The following CYP19A1 variants were observed in gnomAD, a reference collection of about 807,000 sequenced individuals.
CYP19A1 encodes the protein cytochrome P450 family 19 subfamily A member 1.
In CYP19A1, 32 loss-of-function variants were observed where a neutral mutation model predicts 44.4. That is an observed-to-expected ratio of 0.72 (90% CI 0.54 to 0.97). The LOEUF (loss-of-function observed/expected upper bound fraction) is 0.97, where lower values mean the gene tolerates loss of function less well. CYP19A1 is among the 50% of genes least tolerant of loss of function. The pLI is 0.00. For synonymous variants in CYP19A1, 212 were observed against 215.6 expected (o/e 0.98, Z 0.14); for missense variants, 598 against 637.8 (o/e 0.94, Z 0.67).
At position 51,236,962 on chromosome 15, in the gene CYP19A1, A is replaced by G; in HGVS notation, c.193T>C (p.Phe65Leu). 1 of 1,614,214 alleles carries G rather than the reference A, an allele frequency of 6.2e-7. No homozygotes were observed. Among genetic ancestry groups the G allele is most frequent in the Non-Finnish European group, 8.5e-7 (1 of 1,180,038 alleles). ...GIGPLISHGR[F>L]LWMGIGSACN... ...GCACTGCCGATCCCCATCCACAGGA[A>G]TCTGCCGTGGGAGATGAGGGGTCCA... Residue 65 changes from phenylalanine (F) to leucine (L), a missense_variant, in exon 3 of 10, where the codon TTC becomes CTC. Physicochemically the swap from Phe to Leu is conservative, Grantham distance 22. Transcript: ENST00000396402.
At chr15:51,282,848 G>A (rs1279700610) in intron 1 of CYP19A1, among the ~76,000 whole-genome samples, 2 of 152,254 alleles carry the variant, frequency 1.3e-5, no homozygotes, top group African/African-American at 4.8e-5. Flanking sequence ...ACAGGACAAA[G>A]TGAAAGCAAA....
chr15:51,294,402 G>A (rs1285325584), intron 1 of CYP19A1, among the ~76,000 whole-genome samples: 6 of 149,036 alleles, frequency 4.0e-5, no homozygotes, highest in African/African-American at 1.5e-4. Flanking sequence ...CTGCCCGGCC[G>A]CCCCGTCTGA....
chr15:51,304,194 T>TTTCA, intron 1 of CYP19A1, among the ~76,000 whole-genome samples: 2 of 152,206 alleles, frequency 1.3e-5, no homozygotes, highest in Non-Finnish European at 2.9e-5. Flanking sequence ...TTTTCTGGGT[T>TTTCA]GGAAGGTATA....
chr15:51,253,868 C>T (rs763079056), intron 1 of CYP19A1, among the ~76,000 whole-genome samples: 22 of 152,110 alleles, frequency 1.4e-4, no homozygotes, highest in Admixed American at 5.2e-4. Context: ...GGAGGCTTCA[C>T]GTGAATGATG....
intron 1 of CYP19A1, chr15:51,315,786 G>A (rs532471868): frequency 6.6e-6 from 1 of 152,184 alleles, no homozygotes; most frequent in Non-Finnish European, 1.5e-5. Flanking sequence ...TAGCAAAAAG[G>A]CCTCGTTATT....
chr15:51,215,870 G>A (rs1300481593), intron 6 of CYP19A1, 53 bp from the exon 7 acceptor site: 13 of 1,608,196 alleles, frequency 8.1e-6, no homozygotes, highest in Middle Eastern at 1.7e-4. Flanking sequence ...GACATCTAGC[G>A]AAACAGATTT....
intron 1 of CYP19A1, among the ~76,000 whole-genome samples, chr15:51,323,158 C>T (rs189949301): frequency 6.6e-6 from 1 of 152,304 alleles, no homozygotes; most frequent in Admixed American, 6.5e-5. Flanking sequence ...TCCCCAAACC[C>T]CTACCACTAT....
At chr15:51,275,429 A>C (rs148976748) in intron 1 of CYP19A1, among the ~76,000 whole-genome samples, 2 of 152,372 alleles carry the variant, frequency 1.3e-5, no homozygotes, top group East Asian at 1.9e-4. Context: ...ATTTAGTGTC[A>C]GTTTTAAATT....
chr15:51,269,115 A>C (rs1188177199), intron 1 of CYP19A1, among the ~76,000 whole-genome samples: 1 of 151,844 alleles, frequency 6.6e-6, no homozygotes, highest in Non-Finnish European at 1.5e-5. Flanking sequence ...CTCCAAGGTC[A>C]CCTCCTCTTT....
chr15:51,333,606 G>A (rs1244059521), intron 1 of CYP19A1, among the ~76,000 whole-genome samples: 2 of 152,334 alleles, frequency 1.3e-5, no homozygotes, highest in East Asian at 3.9e-4. Context: ...TGGAAAGGTG[G>A]TTTTAAAGGC....
chr15:51,293,925 C>T (rs1055579325), intron 1 of CYP19A1: 8 of 213,456 alleles, frequency 3.7e-5, no homozygotes, highest in Admixed American at 5.9e-5. Context: ...ACCTCCCAGC[C>T]GCCTGCCTTG....
intron 1 of CYP19A1, among the ~76,000 whole-genome samples, chr15:51,330,740 G>A (rs1943215331): frequency 6.6e-6 from 1 of 152,218 alleles, no homozygotes; most frequent in Non-Finnish European, 1.5e-5. Context: ...AGTCGGAGAA[G>A]TAGGAGGAAA....
At chr15:51,278,171 C>A (rs936932336) in intron 1 of CYP19A1, 3 of 151,790 alleles carry the variant, frequency 2.0e-5, no homozygotes, top group East Asian at 1.9e-4. Flanking sequence ...TGCTTAGAGA[C>A]CAAACCATTA....
At chr15:51,282,927 TTTG>T (rs1417951386) in intron 1 of CYP19A1, among the ~76,000 whole-genome samples, 1 of 152,218 alleles carries the variant, frequency 6.6e-6, no homozygotes, top group African/African-American at 2.4e-5. Context: ...GTACTCAGAA[TTTG>T]TTATCACTCT....
chr15:51,267,775 C>G (rs1356456438), intron 1 of CYP19A1, among the ~76,000 whole-genome samples: 1 of 152,238 alleles, frequency 6.6e-6, no homozygotes, highest in African/African-American at 2.4e-5. Context: ...GGGACCCCTT[C>G]TGAGCGCGGG....
At chr15:51,221,308 A>G (rs2032057968) in intron 5 of CYP19A1, 1 of 152,188 alleles carries the variant, frequency 6.6e-6, no homozygotes, top group African/African-American at 2.4e-5. Flanking sequence ...ACAGACTACT[A>G]AAATGGAGAC....
chr15:51,222,487 A>T lies in CYP19A1; in HGVS notation c.490T>A (p.Cys164Ser). 1 of 1,614,158 alleles carries T rather than the reference A, an allele frequency of 6.2e-7. No individual in the cohort carries two copies. The change falls in exon 5 of 10, where the codon TGT (cysteine) becomes AGT (serine). Residue 164 changes from cysteine (C) to serine (S), a missense_variant. By Grantham distance (112) the Cys-to-Ser change is moderately radical (BLOSUM62 -1). Coordinates refer to ENST00000396402, the MANE Select transcript of CYP19A1 (RefSeq NM_000103.4). ...GPGLVRMVTV[C>S]AESLKTHLDR... ...AGATGTGTTTTGAGGGATTCAGCAC[A>T]GACTGTGACCATACGAACAAGGCCG...
intron 3 of CYP19A1, among the ~76,000 whole-genome samples, chr15:51,235,012 G>A (rs1024713608): frequency 2.0e-5 from 3 of 152,262 alleles, no homozygotes; most frequent in Middle Eastern, 3.4e-3. Flanking sequence ...GCTGGGGAGA[G>A]CTGAAAGGCA....
chr15:51,246,481 G>A (rs150190476), intron 1 of CYP19A1, among the ~76,000 whole-genome samples: 159 of 152,316 alleles, frequency 1.0e-3, no homozygotes, highest in African/African-American at 3.7e-3. Context: ...CCTGTGCTAC[G>A]TGGAGCCTAC....
Sources: gnomAD v4.1 joint callset for allele counts (sites outside exome capture counted in the v4.1 genomes callset) on GRCh38, gnomAD v4.1.1 for gene constraint, MANE v1.5 for transcripts, NCBI Gene and HGNC (gene_info 2026-07-23, HGNC 2026-07-21) for gene names.